NOVA1: variants seen among roughly 807,000 people sequenced by gnomAD.
NOVA1 encodes the protein NOVA alternative splicing regulator 1.
A neutral mutation model predicts 38.0 loss-of-function variants in NOVA1; 7 were observed. The ratio of observed to expected loss-of-function variants is 0.18; its 90% CI spans 0.10 to 0.35. The LOEUF (loss-of-function observed/expected upper bound fraction) is 0.35, where lower values mean the gene tolerates loss of function less well. NOVA1 is among the 10% of genes least tolerant of loss of function. The pLI, the probability that NOVA1 is intolerant of heterozygous loss-of-function variation, is 1.00. For synonymous variants in NOVA1, 270 were observed against 232.5 expected (o/e 1.16, Z -1.47); for missense variants, 460 against 616.0 (o/e 0.75, Z 2.68).
intron 4 of NOVA1, among the ~76,000 whole-genome samples, chr14:26,459,977 T>C (rs1184746596): frequency 1.3e-5 from 2 of 152,028 alleles, no homozygotes; most frequent in Non-Finnish European, 2.9e-5. Context: ...ATTTATTAAA[T>C]TGTAGTTGCT....
At chr14:26,584,738 C>A (rs898860821) in intron 2 of NOVA1, among the ~76,000 whole-genome samples, 7 of 151,358 alleles carry the variant, frequency 4.6e-5, no homozygotes, top group Non-Finnish European at 1.0e-4. Context: ...AATTAAAATT[C>A]AGTCCCCAAA....
In NOVA1 at chr14:26,492,510, C is replaced by G. The variant is rs182738783; in HGVS notation, c.281-12367G>C. Among the ~76,000 whole-genome samples, 155 of 152,180 alleles carry G rather than the reference C, an allele frequency of 1.0e-3. 1 individual carries two copies. The highest frequency in any genetic ancestry group is 9.3e-3 in the East Asian group (48 of 5,176). ...GCGGCTTTTCCATAAATTCCTTTTA[C>G]CATTTTAACAAAAAATGTGTAATGT... is the stretch of plus-strand genomic sequence containing the variant. On this transcript the variant is annotated intron_variant, in intron 2 of 4. Coordinates refer to ENST00000539517, the MANE Select transcript of NOVA1 (RefSeq NM_002515.3).
chr14:26,470,344 C>T, intron 4 of NOVA1: 1 of 1,469,246 alleles, frequency 6.8e-7, no homozygotes, highest in Admixed American at 2.0e-5. Context: ...TGATTAGAAT[C>T]TACTGGAAAA....
intron 2 of NOVA1, among the ~76,000 whole-genome samples, chr14:26,540,796 A>G (rs918749334): frequency 9.2e-5 from 14 of 152,172 alleles, no homozygotes; most frequent in Admixed American, 8.5e-4. Flanking sequence ...CTACTTCACA[A>G]TTAGTTGAGT....
chr14:26,447,835 T>A lies in NOVA1; in HGVS notation c.*124A>T. Reference sequence around the variant, plus strand: ...TTACATATACACATTGTCAACATAGTCGCATTCATTTGCATAATTATATAT... The same window carrying A: ...TTACATATACACATTGTCAACATAGACGCATTCATTTGCATAATTATATAT... On this transcript the variant is annotated 3_prime_UTR_variant, in exon 5 of 5. Coordinates refer to ENST00000539517, the MANE Select transcript of NOVA1 (RefSeq NM_002515.3). 7 of 688,390 alleles carry A rather than the reference T, an allele frequency of 1.0e-5. No individual in the cohort carries two copies. The highest frequency in any genetic ancestry group is 1.7e-5 in the Non-Finnish European group (7 of 402,238). 42.6% of individuals were successfully genotyped at this position (688,390 alleles called of 1,614,324 possible). A position where few individuals can be genotyped will look rare whatever the true frequency, so the allele number is the denominator to read the frequency against.
intron 3 of NOVA1, among the ~76,000 whole-genome samples, chr14:26,476,386 C>T (rs1003764253): frequency 7.2e-5 from 11 of 152,130 alleles, no homozygotes; most frequent in African/African-American, 2.7e-4. Flanking sequence ...TTTGGCAAAT[C>T]TGTATTCCAT....
intron 4 of NOVA1, among the ~76,000 whole-genome samples, chr14:26,450,595 T>C (rs2138561969): frequency 6.6e-6 from 1 of 152,310 alleles, no homozygotes; most frequent in Middle Eastern, 3.4e-3. Context: ...CCTGATTAAG[T>C]GGATTCAGTT....
chr14:26,579,238 A>G (rs994145279), intron 2 of NOVA1, among the ~76,000 whole-genome samples: 14 of 151,588 alleles, frequency 9.2e-5, no homozygotes, highest in African/African-American at 3.4e-4. Context: ...TTGTATTTTA[A>G]GTAGAGACGG....
chr14:26,592,417 A>G (rs935731477), intron 2 of NOVA1, among the ~76,000 whole-genome samples: 3 of 151,420 alleles, frequency 2.0e-5, no homozygotes, highest in African/African-American at 2.4e-5. Context: ...AAAAAGGTAT[A>G]TTCCTAAACC....
rs1882136395 is a variant in NOVA1, at chr14:26,447,017, C to T, written c.*942G>A. 1 of 152,638 alleles carries T rather than the reference C, an allele frequency of 6.6e-6. No homozygotes were observed. The highest frequency in any genetic ancestry group is 2.4e-5 in the African/African-American group (1 of 41,450). The allele number at this position is 152,638 out of a possible 1,614,324, so 9.5% of individuals were successfully genotyped here. ...GTTTCTAGTGTTAACAAATTATACACAATTATAAGCTCTTAAAATGCAACA... is the reference window on the plus strand; with the variant it reads ...GTTTCTAGTGTTAACAAATTATACATAATTATAAGCTCTTAAAATGCAACA... On this transcript the variant is annotated 3_prime_UTR_variant, in exon 5 of 5. Transcript: ENST00000539517.
chr14:26,499,248 A>G (rs1305595025), intron 2 of NOVA1, among the ~76,000 whole-genome samples: 1 of 152,204 alleles, frequency 6.6e-6, no homozygotes, highest in African/African-American at 2.4e-5. Flanking sequence ...TAACCATTTC[A>G]CTGTTTAAAA....
chr14:26,506,878 C>T (rs1270720712), intron 2 of NOVA1, among the ~76,000 whole-genome samples: 1 of 152,138 alleles, frequency 6.6e-6, no homozygotes, highest in African/African-American at 2.4e-5. Context: ...CCGCGCCAGG[C>T]CAACAACTGT....
intron 2 of NOVA1, among the ~76,000 whole-genome samples, chr14:26,583,112 T>C (rs1893318321): frequency 1.3e-5 from 2 of 151,724 alleles, no homozygotes; most frequent in African/African-American, 4.8e-5. Flanking sequence ...AAAATACTAC[T>C]GTAAAGAAAG....
At chr14:26,558,024 G>A (rs560267919) in intron 2 of NOVA1, among the ~76,000 whole-genome samples, 63 of 151,272 alleles carry the variant, frequency 4.2e-4, no homozygotes, top group Non-Finnish European at 8.5e-4. Flanking sequence ...AATCTAAAAA[G>A]GCTGCCTACT....
chr14:26,552,510 T>C, intron 2 of NOVA1, among the ~76,000 whole-genome samples: 1 of 152,058 alleles, frequency 6.6e-6, no homozygotes, highest in African/African-American at 2.4e-5. Context: ...AAGTAAATAA[T>C]GTAGGATAAG....
chr14:26,576,012 A>G (rs1892816763), intron 2 of NOVA1, among the ~76,000 whole-genome samples: 1 of 151,888 alleles, frequency 6.6e-6, no homozygotes, highest in Non-Finnish European at 1.5e-5. Flanking sequence ...AGTATCTCAA[A>G]ATATTTTACA....
chr14:26,596,731 A>G (rs527810794), intron 1 of NOVA1: 1 of 1,274,488 alleles, frequency 7.8e-7, no homozygotes, highest in East Asian at 5.6e-5. Context: ...CCCCCTGAAG[A>G]CAAATCAATG....
chr14:26,588,335 C>G (rs1401593745), intron 2 of NOVA1: 1 of 151,192 alleles, frequency 6.6e-6, no homozygotes, highest in Non-Finnish European at 1.5e-5. Context: ...TAAATATAAC[C>G]TATTGAATAA....
intron 2 of NOVA1, among the ~76,000 whole-genome samples, chr14:26,587,206 T>C (rs924731863): frequency 6.6e-6 from 1 of 150,550 alleles, no homozygotes; most frequent in African/African-American, 2.4e-5. Context: ...ATCACTTTGA[T>C]CTATTTCCAC....
Sources: gnomAD v4.1 joint callset for allele counts (sites outside exome capture counted in the v4.1 genomes callset) on GRCh38, gnomAD v4.1.1 for gene constraint, MANE v1.5 for transcripts, NCBI Gene and HGNC (gene_info 2026-07-23, HGNC 2026-07-21) for gene names.